Variants in ABI1 observed in about 807,000 individuals in gnomAD.
The protein encoded by ABI1 is abl interactor 1, also known as Abelson interactor 1.
A neutral mutation model predicts 54.6 loss-of-function variants in ABI1; 14 were observed. That is an observed-to-expected ratio of 0.26 (90% CI 0.17 to 0.40). ABI1 has a LOEUF of 0.40. Ranked by LOEUF, ABI1 falls within the 10% of genes least tolerant of loss-of-function variation. The pLI is 1.00. For synonymous variants in ABI1, 194 were observed against 209.3 expected (o/e 0.93, Z 0.63); for missense variants, 443 against 598.3 (o/e 0.74, Z 2.71).
intron 9 of ABI1, among the ~76,000 whole-genome samples, chr10:26,753,229 A>C (rs1588744709): frequency 1.3e-5 from 2 of 152,190 alleles, no homozygotes; most frequent in East Asian, 3.8e-4. Flanking sequence ...AACACCTATC[A>C]AACGGGTCTA....
At position 26,796,766 on chromosome 10, in the gene ABI1, T is replaced by A. The variant is rs145450087; in HGVS notation, c.286-19525A>T. 4.2e-3 allele frequency among the ~76,000 whole-genome samples: 644 copies of A among 152,326 alleles called. 5 individuals are homozygous for A. The highest frequency in any genetic ancestry group is 7.2e-3 in the Non-Finnish European group (493 of 68,012). ...TGTATTCCATAACACAGCAGTCCCC[T>A]TTTTGGCACCAGGGACCGGTTTTGT... On this transcript the variant is annotated intron_variant, in intron 2 of 10. Coordinates refer to ENST00000376140, the MANE Select transcript of ABI1 (RefSeq NM_001012750.3).
intron 2 of ABI1, among the ~76,000 whole-genome samples, chr10:26,816,873 T>G (rs921904228): frequency 1.3e-5 from 2 of 152,136 alleles, no homozygotes; most frequent in Non-Finnish European, 2.9e-5. Context: ...CCATGCAAAA[T>G]AATCACTGCC....
intron 2 of ABI1, among the ~76,000 whole-genome samples, chr10:26,807,606 C>T (rs984450679): frequency 6.6e-6 from 1 of 152,182 alleles, no homozygotes; most frequent in African/African-American, 2.4e-5. Flanking sequence ...GCAGTTCGCT[C>T]CACACACAGC....
Position 26,816,778 on chromosome 10 carries a change from G to C in ABI1, c.285+6360C>G, listed in dbSNP as rs1472615254. Reference sequence around the variant, plus strand: ...TTGACAAAAAATTTTACAGATCACAGAACAACCATAATTTTACCCATTGAC... The same window carrying C: ...TTGACAAAAAATTTTACAGATCACACAACAACCATAATTTTACCCATTGAC... On this transcript the variant is annotated intron_variant, in intron 2 of 10. Transcript: ENST00000376140. 2.0e-5 allele frequency among the ~76,000 whole-genome samples: 3 copies of C among 151,414 alleles called. No individual in the cohort carries two copies. In the East Asian group the frequency reaches 6.0e-4, roughly 30 times the overall value.
chr10:26,837,317 G>T (rs1460740275), intron 1 of ABI1, among the ~76,000 whole-genome samples: 1 of 152,178 alleles, frequency 6.6e-6, no homozygotes, highest in Non-Finnish European at 1.5e-5. Context: ...GGCAGAGAGA[G>T]ACCAATCTCT....
intron 2 of ABI1, among the ~76,000 whole-genome samples, chr10:26,792,589 T>C (rs1013553952): frequency 3.9e-5 from 6 of 152,148 alleles, no homozygotes; most frequent in Admixed American, 2.0e-4. Context: ...GAGACCAAAT[T>C]TGAAAACTTC....
rs563464019 is a variant in ABI1 at position 26,818,574 on chromosome 10, G to A, written c.285+4564C>T. 2.5e-3 allele frequency among the ~76,000 whole-genome samples: 357 copies of A among 143,554 alleles called. 1 individual carries two copies. Among genetic ancestry groups the A allele is most frequent in the African/African-American group, 9.2e-3 (345 of 37,492 alleles). 94.2% of individuals were successfully genotyped at this position (143,554 alleles called of 152,430 possible). ...GGGGAAGGCAGGGGCAAAGGTTGCAGTGAGGCAAGATCACGCCACTGCACT... is the reference window on the plus strand; with the variant it reads ...GGGGAAGGCAGGGGCAAAGGTTGCAATGAGGCAAGATCACGCCACTGCACT... On this transcript the variant is annotated intron_variant, in intron 2 of 10. Transcript: ENST00000376140.
At chr10:26,799,388 T>C (rs1232075479) in intron 2 of ABI1, among the ~76,000 whole-genome samples, 13 of 152,136 alleles carry the variant, frequency 8.5e-5, no homozygotes, top group Admixed American at 7.2e-4. Flanking sequence ...AAATACTCAA[T>C]GAAGGCTTTA....
chr10:26,820,195 C>A (rs1018226751), intron 2 of ABI1, among the ~76,000 whole-genome samples: 1 of 152,094 alleles, frequency 6.6e-6, no homozygotes, highest in African/African-American at 2.4e-5. Context: ...TCTCGCCACA[C>A]ACAAAAAAAG....
At chr10:26,787,426 C>T (rs1451394495) in intron 2 of ABI1, among the ~76,000 whole-genome samples, 16 of 152,270 alleles carry the variant, frequency 1.1e-4, no homozygotes, top group African/African-American at 3.6e-4. Context: ...CTTCCTACTT[C>T]ACTCACACAC....
At chr10:26,774,056 T>C (rs974627256) in intron 3 of ABI1, among the ~76,000 whole-genome samples, 4 of 152,182 alleles carry the variant, frequency 2.6e-5, no homozygotes, top group African/African-American at 7.2e-5. Flanking sequence ...CCCCCATGGA[T>C]ACCAAAATCC....
At chr10:26,805,278 G>C (rs1388938271) in intron 2 of ABI1, among the ~76,000 whole-genome samples, 2 of 152,118 alleles carry the variant, frequency 1.3e-5, no homozygotes, top group Non-Finnish European at 2.9e-5. Context: ...CTACTGTGAA[G>C]ACTCAGACTT....
At chr10:26,753,235 G>A (rs942213410) in intron 9 of ABI1, among the ~76,000 whole-genome samples, 2 of 152,000 alleles carry the variant, frequency 1.3e-5, no homozygotes, top group African/African-American at 2.4e-5. Context: ...TATCAAACGG[G>A]TCTACAATTA....
chr10:26,824,204 G>T (rs1290911108), intron 1 of ABI1, among the ~76,000 whole-genome samples: 2 of 152,100 alleles, frequency 1.3e-5, no homozygotes, highest in Non-Finnish European at 2.9e-5. Context: ...AAATGCAAGT[G>T]CAAACCAATA....
At chr10:26,784,072 A>G (rs1399483154) in intron 2 of ABI1, among the ~76,000 whole-genome samples, 1 of 152,124 alleles carries the variant, frequency 6.6e-6, no homozygotes, top group Non-Finnish European at 1.5e-5. Flanking sequence ...GGAAGTAAGG[A>G]AAAAGGGGGG....
chr10:26,814,325 T>C lies in ABI1; in HGVS notation c.285+8813A>G, dbSNP rs757526697. ...GACTTCAGGCAAATCATTTATTTTT[T>C]TGGGCATCAGTGTCACAAACTATAA... On this transcript the variant is annotated intron_variant, in intron 2 of 10. Coordinates refer to ENST00000376140, the MANE Select transcript of ABI1 (RefSeq NM_001012750.3). Among the ~76,000 whole-genome samples, 4 of 152,316 alleles carry C rather than the reference T, an allele frequency of 2.6e-5. No individual in the cohort carries two copies. In the South Asian group the frequency reaches 8.3e-4, roughly 32 times the overall value.
intron 1 of ABI1, among the ~76,000 whole-genome samples, chr10:26,856,593 G>A (rs1332985851): frequency 6.6e-6 from 1 of 152,154 alleles, no homozygotes; most frequent in African/African-American, 2.4e-5. Context: ...AAATGTCACA[G>A]GAGGAGGAAA....
chr10:26,788,461 A>C (rs1438001337), intron 2 of ABI1, among the ~76,000 whole-genome samples: 3 of 152,258 alleles, frequency 2.0e-5, no homozygotes, highest in Non-Finnish European at 4.4e-5. Flanking sequence ...TCTGCAATTA[A>C]GATAAAGCAT....
intron 4 of ABI1, chr10:26,770,599 T>G: frequency 1.5e-6 from 1 of 653,684 alleles, no homozygotes; most frequent in Non-Finnish European, 2.8e-6. Context: ...TATTTTATTG[T>G]TAAACATGTT....
Sources: allele counts gnomAD v4.1 joint callset (sites outside exome capture counted in the v4.1 genomes callset), GRCh38; gene constraint gnomAD v4.1.1; transcripts MANE v1.5; gene names NCBI Gene and HGNC (gene_info 2026-07-23, HGNC 2026-07-21).